IL31RA: variants seen among roughly 807,000 people sequenced by gnomAD.
IL31RA encodes interleukin-31 receptor subunit alpha.
In IL31RA, 66 loss-of-function variants were observed where a neutral mutation model predicts 83.7. The ratio of observed to expected loss-of-function variants is 0.79; its 90% CI spans 0.65 to 0.97. IL31RA has a LOEUF of 0.97. IL31RA is among the 50% of genes least tolerant of loss of function. The probability of loss-of-function intolerance (pLI) is 0.00; values close to 1 mark genes in which losing one functional copy is unlikely to be tolerated. For missense variants in IL31RA, 798 were observed against 919.4 expected, an observed-to-expected ratio of 0.87 and a Z score of 1.71; for synonymous variants, 325 against 329.0, an observed-to-expected ratio of 0.99 and a Z score of 0.13.
At chr5:55,883,508 A>G (rs1747392993) in intron 5 of IL31RA, among the ~76,000 whole-genome samples, 1 of 152,070 alleles carries the variant, frequency 6.6e-6, no homozygotes, top group South Asian at 2.1e-4. Context: ...TGGCCATTTT[A>G]TTTTTTATTT....
Position 55,876,204 on chromosome 5 carries a change from G to A in IL31RA, c.454+3753G>A, listed in dbSNP as rs576365335. ...GGGCAAATCATGAGGTCAAGAGATT[G>A]AGACCATCCTGGCCAACATGGTGAA... is the stretch of plus-strand genomic sequence containing the variant. On this transcript the variant is annotated intron_variant, in intron 4 of 14. Transcript: ENST00000652347. Among the ~76,000 whole-genome samples the A allele has an allele frequency of 2.2e-4, 34 of 152,070 alleles. No individual in the cohort carries two copies. The South Asian group carries it at 7.1e-3, about 32-fold the overall frequency.
chr5:55,876,660 A>G (rs1746870358), intron 4 of IL31RA, among the ~76,000 whole-genome samples: 2 of 152,174 alleles, frequency 1.3e-5, no homozygotes, highest in South Asian at 2.1e-4. Flanking sequence ...TACTATTTGC[A>G]TGGAACATCT....
chr5:55,867,198 T>C (rs1051046520), intron 2 of IL31RA, among the ~76,000 whole-genome samples: 1,699 of 20,622 alleles, frequency 0.082, 76 homozygotes, highest in African/African-American at 0.22. Flanking sequence ...TTTGTGTGTG[T>C]TTGTGTGTGT....
chr5:55,888,810 C>T lies in IL31RA; in HGVS notation c.607-1160C>T, dbSNP rs114700363. Among the ~76,000 whole-genome samples, 1,107 of 152,290 alleles carry T rather than the reference C, an allele frequency of 7.3e-3. 4 individuals carry two copies. Among genetic ancestry groups the T allele is most frequent in the Non-Finnish European group, 0.011 (759 of 68,022 alleles). ...GATTTAGCCCCCAAAGTGTCATTGC[C>T]TCTTCTTGTTCCACCTCCATCTCAC... On this transcript the variant is annotated intron_variant, in intron 5 of 14. Coordinates refer to ENST00000652347, the MANE Select transcript of IL31RA (RefSeq NM_139017.7).
chr5:55,910,367 G>A (rs768801104), intron 11 of IL31RA, among the ~76,000 whole-genome samples, 165 bp from the exon 12 acceptor site: 2 of 152,142 alleles, frequency 1.3e-5, no homozygotes, highest in Non-Finnish European at 2.9e-5. Context: ...CTTATATTGA[G>A]GTCCTTAATC....
rs1357483301 is a variant in IL31RA, at chr5:55,851,505, A to C, written c.-66A>C. 6.2e-7 allele frequency: 1 copy of C among 1,613,598 alleles called. No homozygotes were observed. On this transcript the variant is annotated 5_prime_UTR_variant, in exon 1 of 15. It removes an upstream start codon present in the reference 5' UTR. Coordinates refer to ENST00000652347, the MANE Select transcript of IL31RA (RefSeq NM_139017.7). ...GGCACTAAATAGACCATGAAAAGAC[A>C]TGTGTGTGCAGTATGAAAATTGAGA...
At chr5:55,854,015 A>G (rs896514387) in intron 1 of IL31RA, among the ~76,000 whole-genome samples, 8 of 152,204 alleles carry the variant, frequency 5.3e-5, no homozygotes, top group African/African-American at 1.7e-4. Flanking sequence ...CTTACAAACT[A>G]TTATTTTTGG....
chr5:55,881,716 ATTTTTTTTTTTTTTTTT>A, intron 4 of IL31RA, among the ~76,000 whole-genome samples: 1 of 59,650 alleles, frequency 1.7e-5, no homozygotes, highest in East Asian at 5.6e-4. Flanking sequence ...AGTTCCTGAG[ATTTTTTTTTTTTTTTTT>A]TTTTTTTTTT....
chr5:55,897,242 G>C (rs1026847464), intron 7 of IL31RA, among the ~76,000 whole-genome samples: 7 of 150,100 alleles, frequency 4.7e-5, no homozygotes, highest in African/African-American at 7.4e-5. Context: ...CTTCCCTAGA[G>C]GGCTTTATGA....
the IL31RA span, among the ~76,000 whole-genome samples, chr5:55,845,790 A>G: frequency 7.2e-5 from 11 of 152,216 alleles, no homozygotes; most frequent in Non-Finnish European, 1.5e-4. Flanking sequence ...GTGTTTCTTC[A>G]TAGCAGTGTG....
chr5:55,870,195 C>T (rs1455776217), intron 3 of IL31RA, among the ~76,000 whole-genome samples: 1 of 152,172 alleles, frequency 6.6e-6, no homozygotes, highest in African/African-American at 2.4e-5. Context: ...GGCTGCTTTC[C>T]AACGAAACTT....
intron 5 of IL31RA, among the ~76,000 whole-genome samples, chr5:55,885,973 G>C (rs1019950438): frequency 1.3e-5 from 2 of 152,158 alleles, no homozygotes; most frequent in Non-Finnish European, 2.9e-5. Flanking sequence ...AGTTACTACA[G>C]CTGCTGGGGG....
At chr5:55,882,496 A>G (rs191923354) in intron 4 of IL31RA, among the ~76,000 whole-genome samples, 2 of 152,344 alleles carry the variant, frequency 1.3e-5, no homozygotes, top group East Asian at 3.9e-4. Flanking sequence ...GGTTGATGGG[A>G]TAATGGATGA....
chr5:55,869,945 C>T (rs955125756), intron 3 of IL31RA, among the ~76,000 whole-genome samples: 1 of 152,048 alleles, frequency 6.6e-6, no homozygotes, highest in African/African-American at 2.4e-5. Context: ...AAGGGAAGTC[C>T]ACTTTATGTT....
At chr5:55,898,049 G>A (rs1379185192) in intron 7 of IL31RA, among the ~76,000 whole-genome samples, 1 of 152,194 alleles carries the variant, frequency 6.6e-6, no homozygotes, top group East Asian at 1.9e-4. Flanking sequence ...TGCTGCCGCC[G>A]CATGGGACAA....
At chr5:55,872,496 A>ACCT in intron 4 of IL31RA, 45 bp downstream of exon 4, 1 of 1,193,882 alleles carries the variant, frequency 8.4e-7, no homozygotes, top group Admixed American at 1.9e-5. Flanking sequence ...TTAAATGTTT[A>ACCT]CCTCCTTCTC....
At chr5:55,896,305 A>C in intron 6 of IL31RA, 45 bp from the exon 7 acceptor site, 1 of 1,336,854 alleles carries the variant, frequency 7.5e-7, no homozygotes, top group Non-Finnish European at 1.1e-6. Context: ...CTCCTCTGCA[A>C]CTCCCTTATC....
At chr5:55,904,002 C>T (rs1310766611) in intron 8 of IL31RA, among the ~76,000 whole-genome samples, 3 of 152,160 alleles carry the variant, frequency 2.0e-5, no homozygotes, top group African/African-American at 7.2e-5. Context: ...TGTGGTAGCT[C>T]CAGTAACTCC....
intron 1 of IL31RA, among the ~76,000 whole-genome samples, chr5:55,852,796 G>A (rs768526964): frequency 3.9e-5 from 6 of 152,168 alleles, no homozygotes. Flanking sequence ...GGCTGCCTTG[G>A]TTCAAGTCTT....
Sources: allele counts gnomAD v4.1 joint callset (sites outside exome capture counted in the v4.1 genomes callset), GRCh38; gene constraint gnomAD v4.1.1; transcripts MANE v1.5; gene names NCBI Gene and HGNC (gene_info 2026-07-23, HGNC 2026-07-21).